Variants in BCOR observed in about 807,000 individuals in gnomAD.
BCOR encodes the protein BCL-6 corepressor.
BCOR carries 10 observed loss-of-function variants against 86.7 expected under a neutral mutation model. The observed-to-expected ratio is 0.12, with a 90% CI of 0.07 to 0.20. BCOR has a LOEUF of 0.20. Ranked by LOEUF, BCOR falls within the 10% of genes least tolerant of loss-of-function variation. The pLI, the probability that BCOR is intolerant of heterozygous loss-of-function variation, is 1.00. For synonymous variants in BCOR, 611 were observed against 609.0 expected (o/e 1.00, Z -0.05); for missense variants, 1,259 against 1,452.1 (o/e 0.87, Z 2.16).
At chrX:40,105,506 C>A (rs911435225) in intron 1 of BCOR, among the ~76,000 whole-genome samples, 10 of 112,005 alleles carry the variant, frequency 8.9e-5, no homozygotes, top group Non-Finnish European at 1.3e-4. Context: ...CCGAGAGGAC[C>A]CTTCCTGCGG....
intron 10 of BCOR, among the ~76,000 whole-genome samples, chrX:40,061,343 G>A (rs1934857899): frequency 9.0e-6 from 1 of 111,617 alleles, no homozygotes; most frequent in Non-Finnish European, 1.9e-5. Context: ...GGGATGGGGG[G>A]AGACTGGGCT....
intron 1 of BCOR, among the ~76,000 whole-genome samples, chrX:40,176,212 C>T (rs1446103313): frequency 8.9e-6 from 1 of 112,854 alleles, no homozygotes; most frequent in Non-Finnish European, 1.9e-5. Context: ...TCGCCTGGCT[C>T]CCACAGTCCT....
chrX:40,054,187 C>G, intron 13 of BCOR, 69 bp downstream of exon 13: 5 of 1,112,053 alleles, frequency 4.5e-6, no homozygotes, highest in Non-Finnish European at 6.2e-6. Context: ...TTTCCCTCAC[C>G]CATACCAGAC....
At chrX:40,125,384 C>T (rs971660005) in intron 1 of BCOR, among the ~76,000 whole-genome samples, 4 of 111,655 alleles carry the variant, frequency 3.6e-5, no homozygotes, top group Non-Finnish European at 7.5e-5. Flanking sequence ...CAGGTGCACA[C>T]CACCACGCCT....
At chrX:40,065,480 G>C (rs919702051) in intron 6 of BCOR, among the ~76,000 whole-genome samples, 1 of 111,987 alleles carries the variant, frequency 8.9e-6, no homozygotes, top group Non-Finnish European at 1.9e-5. Flanking sequence ...CCTCATTGTT[G>C]GTGTGTCCTT....
chrX:40,057,315 C>G lies in BCOR; in HGVS notation c.4435G>C (p.Val1479Leu), dbSNP rs2146924709. Residue 1479 changes from valine (V) to leucine (L), a missense_variant, in exon 11 of 15, where the codon GTC becomes CTC. Val to Leu is a conservative substitution (Grantham distance 32). Coordinates refer to ENST00000378444, the MANE Select transcript of BCOR (RefSeq NM_001123385.2). ...ATCTTGTTCTCTAAGCAGTACAGGA[C>G]CACTTCCTGTGGGGAGGGGAGGGAA... Reference protein sequence around the residue: ...RAARLGYEEVVLYCLENKICD... With the variant: ...RAARLGYEEVLLYCLENKICD... 8.3e-7 allele frequency: 1 copy of G among 1,207,909 alleles called. No individual in the cohort carries two copies. The highest frequency in any genetic ancestry group is 1.8e-5 in the South Asian group (1 of 56,544).
At chrX:40,149,196 C>G (rs1238686176) in intron 1 of BCOR, among the ~76,000 whole-genome samples, 1 of 110,115 alleles carries the variant, frequency 9.1e-6, no homozygotes, top group Non-Finnish European at 1.9e-5. Context: ...CCTGTCATCC[C>G]CACCCCCAGC....
At chrX:40,098,661 C>T (rs984489543), upstream of BCOR, among the ~76,000 whole-genome samples, 3 of 111,956 alleles carry the variant, frequency 2.7e-5, no homozygotes, top group Admixed American at 2.8e-4. Flanking sequence ...TCGTCCCCTC[C>T]GAGACCCAGC....
intron 10 of BCOR, among the ~76,000 whole-genome samples, chrX:40,058,656 T>C (rs1934717789): frequency 8.9e-6 from 1 of 111,941 alleles, no homozygotes; most frequent in Admixed American, 9.5e-5. Flanking sequence ...GGCTGCACGC[T>C]GGTAACCCTG....
Position 40,078,371 on chromosome X carries a change from G to A in BCOR, c.-40-402C>T, listed in dbSNP as rs1164073304. 1.8e-4 allele frequency among the ~76,000 whole-genome samples: 20 copies of A among 112,088 alleles called. No individual in the cohort carries two copies. The Admixed American group carries it at 1.9e-3, about 11-fold the overall frequency. ...GGGGAGGCTCTGACAATAGGTTCAGGGATGCTGCATCACTGGGAGGCACAC... is the reference window on the plus strand; with the variant it reads ...GGGGAGGCTCTGACAATAGGTTCAGAGATGCTGCATCACTGGGAGGCACAC... On this transcript the variant is annotated intron_variant, in intron 1 of 14. Transcript: ENST00000378444.
chrX:40,161,856 G>A (rs1445815549), intron 1 of BCOR, among the ~76,000 whole-genome samples: 6 of 111,477 alleles, frequency 5.4e-5, no homozygotes, highest in Non-Finnish European at 9.4e-5. Context: ...AGTACATAAC[G>A]GTCTGCAGTG....
intron 1 of BCOR, among the ~76,000 whole-genome samples, chrX:40,107,404 A>T (rs1426890690): frequency 8.9e-6 from 1 of 111,820 alleles, no homozygotes; most frequent in South Asian, 3.7e-4. Context: ...AGAGAGCAGG[A>T]ACCCCCGCCC....
At chrX:40,122,507 T>C (rs1197629597) in intron 1 of BCOR, among the ~76,000 whole-genome samples, 1 of 112,153 alleles carries the variant, frequency 8.9e-6, no homozygotes, top group Admixed American at 9.4e-5. Flanking sequence ...GGTAGGTCAA[T>C]GTCTTCCCTT....
At chrX:40,088,991 G>T (rs1936481196) in intron 1 of BCOR, among the ~76,000 whole-genome samples, 1 of 112,015 alleles carries the variant, frequency 8.9e-6, no homozygotes, top group South Asian at 3.7e-4. Context: ...TTAAAAGGCA[G>T]AATGCAAACT....
intron 10 of BCOR, among the ~76,000 whole-genome samples, chrX:40,058,359 A>AG (rs1326989924): frequency 8.9e-6 from 1 of 112,026 alleles, no homozygotes; most frequent in East Asian, 2.8e-4. Flanking sequence ...TGGCCAGCAG[A>AG]GAGCTGTCAG....
rs1357973636 is a variant in BCOR, at chrX:40,064,326, C to T, written c.3502+10G>A. ...CCCCCCGGCAGGCGGGCGAAGCAGA[C>T]AGGGCTCACCTTTAGAGACTCGTCG... On this transcript the variant is annotated intron_variant, in intron 7 of 14. Transcript: ENST00000378444. The T allele has an allele frequency of 8.2e-7, 1 of 1,212,384 alleles. No homozygotes were observed. The highest frequency in any genetic ancestry group is 1.1e-6 in the Non-Finnish European group (1 of 895,678).
chrX:40,135,416 G>C (rs1469340844), intron 1 of BCOR, among the ~76,000 whole-genome samples: 3 of 106,940 alleles, frequency 2.8e-5, no homozygotes, highest in African/African-American at 1.0e-4. Flanking sequence ...TGAGAAAAGA[G>C]TCTCATTCTT....
At chrX:40,096,903 C>G (rs1413960644) in intron 1 of BCOR, among the ~76,000 whole-genome samples, 1 of 110,625 alleles carries the variant, frequency 9.0e-6, no homozygotes, top group Middle Eastern at 4.2e-3. Context: ...CAGACACACA[C>G]AGGCTGCAAA....
chrX:40,074,716 T>A lies in BCOR; in HGVS notation c.630A>T (p.Pro210=), dbSNP rs1304948638. 8.3e-7 allele frequency: 1 copy of A among 1,211,430 alleles called. No homozygotes were observed. Among genetic ancestry groups the A allele is most frequent in the East Asian group, 3.0e-5 (1 of 33,819 alleles). ...TGTACATGTTCAGTGAATACTTATT[T>A]GGCGAGTCGAGGAAAGGGTAGATGG... is the stretch of plus-strand genomic sequence containing the variant. The part of the protein sequence containing the change: ...TPAIYPFLDS[P]NKYSLNMYKA... Residue 210 remains proline, a synonymous_variant, in exon 4 of 15, where the codon CCA becomes CCT. Coordinates refer to ENST00000378444, the MANE Select transcript of BCOR (RefSeq NM_001123385.2).
Sources: allele counts gnomAD v4.1 joint callset (sites outside exome capture counted in the v4.1 genomes callset), GRCh38; gene constraint gnomAD v4.1.1; transcripts MANE v1.5; gene names NCBI Gene and HGNC (gene_info 2026-07-23, HGNC 2026-07-21).